The following RBFOX1 variants were observed in gnomAD, a reference collection of about 807,000 sequenced individuals.
RBFOX1 encodes the protein RNA binding protein fox-1 homolog 1.
A neutral mutation model predicts 57.7 loss-of-function variants in RBFOX1; 8 were observed. The observed-to-expected ratio is 0.14, with a 90% confidence interval of 0.08 to 0.25. The LOEUF (loss-of-function observed/expected upper bound fraction) is 0.25, where lower values mean the gene tolerates loss of function less well. RBFOX1 is among the 10% of genes least tolerant of loss of function. The probability of loss-of-function intolerance (pLI) is 1.00; values close to 1 mark genes in which losing one functional copy is unlikely to be tolerated. For synonymous variants in RBFOX1, 326 were observed against 222.4 expected (o/e 1.47, Z -4.15); for missense variants, 611 against 548.5 (o/e 1.11, Z -1.14).
At chr16:5,556,133 G>A (rs747227110) in intron 2 of RBFOX1, among the ~76,000 whole-genome samples, 2 of 152,194 alleles carry the variant, frequency 1.3e-5, no homozygotes, top group African/African-American at 2.4e-5. Context: ...AATTTATATT[G>A]AGGAAATATG....
At chr16:7,222,799 G>T (rs1474261846) in intron 4 of RBFOX1, among the ~76,000 whole-genome samples, 1 of 152,152 alleles carries the variant, frequency 6.6e-6, no homozygotes, top group Non-Finnish European at 1.5e-5. Context: ...ACAACTATCA[G>T]GTACTCTTCT....
intron 3 of RBFOX1, among the ~76,000 whole-genome samples, chr16:6,872,398 C>G (rs889369149): frequency 6.6e-6 from 1 of 152,030 alleles, no homozygotes; most frequent in Admixed American, 6.6e-5. Flanking sequence ...GACCATAGCT[C>G]TTTTTTTAAT....
In RBFOX1 at chr16:7,029,081, T is replaced by TACAC. The variant is rs71147635; in HGVS notation, c.-15-22938_-15-22935dup. On this transcript the variant is annotated intron_variant, in intron 3 of 15. Transcript: ENST00000550418. ...ATATATATATATATATATATATATA[T>TACAC]ACACACACACACACACACACACACA... Among the ~76,000 whole-genome samples, 14 of 47,934 alleles carry TACAC rather than the reference T, an allele frequency of 2.9e-4. 1 individual carries two copies. Among genetic ancestry groups the TACAC allele is most frequent in the East Asian group, 7.0e-4 (1 of 1,436 alleles). The allele number at this position is 47,934 out of a possible 152,430, so 31.4% of individuals were successfully genotyped here.
At chr16:5,746,613 A>G (rs1191134098) in intron 3 of RBFOX1, among the ~76,000 whole-genome samples, 1 of 152,004 alleles carries the variant, frequency 6.6e-6, no homozygotes, top group African/African-American at 2.4e-5. Context: ...CTTTTATTTC[A>G]TTGAGCAGTT....
At chr16:6,541,081 G>T (rs528676975) in intron 2 of RBFOX1, among the ~76,000 whole-genome samples, 3 of 152,152 alleles carry the variant, frequency 2.0e-5, no homozygotes, top group Admixed American at 2.0e-4. Flanking sequence ...AAAGCTCTAA[G>T]ATATTTCCAA....
At chr16:5,766,830 C>A (rs2053798739) in intron 3 of RBFOX1, among the ~76,000 whole-genome samples, 1 of 152,200 alleles carries the variant, frequency 6.6e-6, no homozygotes. Flanking sequence ...CTCTATCCCT[C>A]CCCACCAAAT....
chr16:6,581,514 C>G (rs1218714032), intron 2 of RBFOX1, among the ~76,000 whole-genome samples: 1 of 152,184 alleles, frequency 6.6e-6, no homozygotes. Flanking sequence ...CTCTGATGGT[C>G]TAGCTGAGGT....
At chr16:7,239,094 A>T (rs2093926642) in intron 4 of RBFOX1, among the ~76,000 whole-genome samples, 1 of 152,172 alleles carries the variant, frequency 6.6e-6, no homozygotes. Flanking sequence ...ATAGTGCTGC[A>T]TTGAATATAC....
intron 3 of RBFOX1, among the ~76,000 whole-genome samples, chr16:5,609,717 C>T (rs1485775218): frequency 6.6e-6 from 1 of 152,144 alleles, no homozygotes; most frequent in Non-Finnish European, 1.5e-5. Flanking sequence ...GCCTTGTGTC[C>T]TTTACACATG....
chr16:7,507,763 C>G (rs990012509), intron 4 of RBFOX1, among the ~76,000 whole-genome samples: 1 of 151,958 alleles, frequency 6.6e-6, no homozygotes, highest in South Asian at 2.1e-4. Context: ...CGCGGTTTCA[C>G]CGTGTTAGCC....
chr16:5,580,881 C>T (rs1286416559), intron 2 of RBFOX1, among the ~76,000 whole-genome samples: 1 of 152,168 alleles, frequency 6.6e-6, no homozygotes, highest in Non-Finnish European at 1.5e-5. Flanking sequence ...CTGGGAATGA[C>T]ATGCATCCAC....
rs532567443 is a variant in RBFOX1 at position 5,821,898 on chromosome 16, T to A, written c.319-45405T>A. Among the ~76,000 whole-genome samples, 745 of 152,296 alleles carry A rather than the reference T, an allele frequency of 4.9e-3. 5 individuals are homozygous for A. Among genetic ancestry groups the A allele is most frequent in the Non-Finnish European group, 6.1e-3 (413 of 68,024 alleles). ...AGCCCTTTTATAAGGCACGGAGCCTTCATGGCCTGATCACCTCCTAAAGAC... is the reference window on the plus strand; with the variant it reads ...AGCCCTTTTATAAGGCACGGAGCCTACATGGCCTGATCACCTCCTAAAGAC... On this transcript the variant is annotated intron_variant, in intron 3 of 19. Coordinates refer to the RBFOX1 transcript ENST00000641259.
intron 3 of RBFOX1, among the ~76,000 whole-genome samples, chr16:6,853,503 C>T (rs1463515789): frequency 6.6e-6 from 1 of 152,020 alleles, no homozygotes. Context: ...CGAGGACAAT[C>T]CCTGTCTGCT....
At chr16:7,698,544 C>A (rs2079565533) in intron 14 of RBFOX1, among the ~76,000 whole-genome samples, 1 of 152,100 alleles carries the variant, frequency 6.6e-6, no homozygotes, top group South Asian at 2.1e-4. Context: ...CACATGCTGC[C>A]AGCTACATTA....
intron 3 of RBFOX1, among the ~76,000 whole-genome samples, chr16:7,041,287 C>T (rs747769700): frequency 2.0e-5 from 3 of 151,902 alleles, no homozygotes; most frequent in Admixed American, 6.6e-5. Flanking sequence ...TACACGTTGT[C>T]AGTGGCTGCT....
intron 1 of RBFOX1, among the ~76,000 whole-genome samples, chr16:5,394,549 C>G (rs1001605862): frequency 5.4e-5 from 8 of 149,288 alleles, no homozygotes; most frequent in African/African-American, 2.0e-4. Context: ...TCTCTTCTCT[C>G]TTCTTTTCTT....
intron 4 of RBFOX1, among the ~76,000 whole-genome samples, chr16:7,329,244 G>A (rs1568234232): frequency 6.6e-6 from 1 of 152,182 alleles, no homozygotes; most frequent in Non-Finnish European, 1.5e-5. Context: ...TTTGACTTCC[G>A]TATGTTTCAG....
chr16:7,410,785 A>C (rs2098416906), intron 4 of RBFOX1, among the ~76,000 whole-genome samples: 1 of 152,022 alleles, frequency 6.6e-6, no homozygotes, highest in Non-Finnish European at 1.5e-5. Flanking sequence ...TAATTCCCAC[A>C]GAGGGGCCTG....
At chr16:6,214,553 AGGGGGAGAGGGAG>A (rs1252513209) in intron 1 of RBFOX1, among the ~76,000 whole-genome samples, 2 of 59,788 alleles carry the variant, frequency 3.3e-5, no homozygotes, top group Non-Finnish European at 6.3e-5. Context: ...AGACAGGGAG[AGGGGGAGAGGGAG>A]GGGGGAGAGG....
Sources: allele counts gnomAD v4.1 joint callset (sites outside exome capture counted in the v4.1 genomes callset), GRCh38; gene constraint gnomAD v4.1.1; transcripts MANE v1.5; gene names NCBI Gene and HGNC (gene_info 2026-07-23, HGNC 2026-07-21).